BBOF1: variants seen among roughly 807,000 people sequenced by gnomAD.
BBOF1 encodes basal body-orientation factor 1.
In BBOF1, 62 loss-of-function variants were observed where a neutral mutation model predicts 68.0. That is an observed-to-expected ratio of 0.91 (90% CI 0.74 to 1.13). BBOF1 has a LOEUF of 1.13. Among genes scored for constraint, BBOF1 ranks in the 50% most tolerant of loss-of-function variants. The probability of loss-of-function intolerance (pLI) is 0.00; values close to 1 mark genes in which losing one functional copy is unlikely to be tolerated. For synonymous variants in BBOF1, 208 were observed against 198.8 expected (o/e 1.05, Z -0.39); for missense variants, 534 against 600.1 (o/e 0.89, Z 1.15).
chr14:74,047,785 A>G (rs890668947), intron 6 of BBOF1, 145 bp from the exon 7 acceptor site: 7 of 600,058 alleles, frequency 1.2e-5, no homozygotes, highest in African/African-American at 9.5e-5. Context: ...AGATTCCCAC[A>G]TAACTACTGA....
At chr14:74,037,741 G>T (rs2059741178) in intron 4 of BBOF1, among the ~76,000 whole-genome samples, 1 of 151,882 alleles carries the variant, frequency 6.6e-6, no homozygotes, top group Admixed American at 6.6e-5. Flanking sequence ...ATGACCTGAG[G>T]TCGGGAGTTC....
intron 8 of BBOF1, chr14:74,054,851 G>C (rs1472361965): frequency 1.1e-5 from 2 of 174,984 alleles, no homozygotes; most frequent in African/African-American, 4.8e-5. Flanking sequence ...GCTAATTTTT[G>C]TATATTTAGT....
rs1595115418 is a variant in BBOF1, at chr14:74,065,258, A to G, written c.*559A>G. On this transcript the variant is annotated 3_prime_UTR_variant, in exon 12 of 12. Transcript: ENST00000394009. ...GTGAAGATGGCAGTTCCATTTCCAT[A>G]TGGGTTGTTATTTACAATCTGGATG... 1.2e-6 allele frequency: 2 copies of G among 1,614,020 alleles called. No homozygotes were observed. The highest frequency in any genetic ancestry group is 2.2e-5 in the East Asian group (1 of 44,868).
intron 9 of BBOF1, among the ~76,000 whole-genome samples, chr14:74,077,771 C>G (rs2060628524): frequency 6.6e-6 from 1 of 152,114 alleles, no homozygotes. Context: ...CAACCATATC[C>G]AAGCCACAGC....
intron 3 of BBOF1, among the ~76,000 whole-genome samples, chr14:74,032,183 G>A (rs2059587618): frequency 7.1e-6 from 1 of 140,460 alleles, no homozygotes; most frequent in Non-Finnish European, 1.5e-5. Flanking sequence ...CTGGAGTGCA[G>A]TGGCACGATC....
At chr14:74,053,789 G>A (rs2060121976) in intron 8 of BBOF1, among the ~76,000 whole-genome samples, 1 of 151,308 alleles carries the variant, frequency 6.6e-6, no homozygotes, top group Non-Finnish European at 1.5e-5. Context: ...TTGGCTCACT[G>A]CAACCTCCAC....
intron 7 of BBOF1, 174 bp downstream of exon 7, chr14:74,048,248 A>G (rs1351145201): frequency 1.8e-6 from 1 of 546,568 alleles, no homozygotes; most frequent in African/African-American, 1.9e-5. Flanking sequence ...TATAATGCTT[A>G]TAAGAAGCAT....
chr14:74,068,521 A>G (rs1042394845), downstream of BBOF1, among the ~76,000 whole-genome samples: 1 of 152,134 alleles, frequency 6.6e-6, no homozygotes, highest in African/African-American at 2.4e-5. Flanking sequence ...CGGGCAGATC[A>G]TGAGGTCAGG....
chr14:74,059,351 A>G (rs1439491953), intron 11 of BBOF1: 3 of 456,444 alleles, frequency 6.6e-6, no homozygotes, highest in Non-Finnish European at 1.3e-5. Flanking sequence ...GGTTGGAACA[A>G]TCCTTGATTT....
At chr14:74,077,854 C>T (rs1417621722) in intron 9 of BBOF1, among the ~76,000 whole-genome samples, 1 of 152,200 alleles carries the variant, frequency 6.6e-6, no homozygotes, top group African/African-American at 2.4e-5. Flanking sequence ...GTCTTGTTCA[C>T]CTACTTCAGA....
At chr14:74,062,520 G>A in intron 11 of BBOF1, among the ~76,000 whole-genome samples, 1 of 151,992 alleles carries the variant, frequency 6.6e-6, no homozygotes, top group Non-Finnish European at 1.5e-5. Flanking sequence ...AGAATTGCTT[G>A]AACCCTGGAG....
At chr14:74,021,863 C>A (rs1204759762) in intron 1 of BBOF1, among the ~76,000 whole-genome samples, 2 of 151,660 alleles carry the variant, frequency 1.3e-5, no homozygotes, top group Non-Finnish European at 2.9e-5. Context: ...GCCGAGATCA[C>A]GCCACTGCTC....
At chr14:74,037,763 G>C (rs2059741784) in intron 4 of BBOF1, among the ~76,000 whole-genome samples, 1 of 151,946 alleles carries the variant, frequency 6.6e-6, no homozygotes, top group Non-Finnish European at 1.5e-5. Context: ...AGACCAGCCT[G>C]ACCAACATGG....
At position 74,033,491 on chromosome 14, in the gene BBOF1, A is replaced by C. The variant is rs182538868; in HGVS notation, c.352-537A>C. Among the ~76,000 whole-genome samples the C allele has an allele frequency of 4.7e-3, 714 of 152,152 alleles. 2 individuals carry two copies. The highest frequency in any genetic ancestry group is 0.015 in the African/African-American group (602 of 41,500). Reference sequence around the variant, plus strand: ...GGCTGAGGCAGGGAGAATTGCTTGAACCTGGGAGGCAGAGGTTGCAGTGAG... The same window carrying C: ...GGCTGAGGCAGGGAGAATTGCTTGACCCTGGGAGGCAGAGGTTGCAGTGAG... On this transcript the variant is annotated intron_variant, in intron 3 of 11. Transcript: ENST00000394009.
intron 11 of BBOF1, 33 bp downstream of exon 11, chr14:74,057,291 A>G: frequency 6.2e-7 from 1 of 1,613,864 alleles, no homozygotes; most frequent in Non-Finnish European, 8.5e-7. Context: ...AACAATGTAT[A>G]TTGTTGTCAC....
chr14:74,062,564 A>G (rs566107366), intron 11 of BBOF1, among the ~76,000 whole-genome samples: 12 of 152,002 alleles, frequency 7.9e-5, no homozygotes, highest in South Asian at 2.1e-4. Flanking sequence ...TCATGCCACT[A>G]TACTCCAGCC....
chr14:74,028,752 G>A (rs1479423924), intron 2 of BBOF1, among the ~76,000 whole-genome samples: 4 of 150,592 alleles, frequency 2.7e-5, no homozygotes, highest in Non-Finnish European at 4.4e-5. Context: ...TCTGTCACCC[G>A]GGCTGGAGTG....
At chr14:74,055,479 G>T (rs772785787) in intron 8 of BBOF1, 105 bp from the exon 9 acceptor site, 25 of 763,998 alleles carry the variant, frequency 3.3e-5, no homozygotes, top group Non-Finnish European at 5.5e-5. Flanking sequence ...CAATTATGGT[G>T]TGGAATTTAT....
At position 74,044,017 on chromosome 14, in the gene BBOF1, C is replaced by T. The variant is rs558401754; in HGVS notation, c.577-2043C>T. ...TCCCAGCACTTTGGGAGGCCAAGGC[C>T]GGCGGATCACTTGAGGAGAGGAGTT... On this transcript the variant is annotated intron_variant, in intron 5 of 11. Transcript: ENST00000394009. 1.6e-4 allele frequency among the ~76,000 whole-genome samples: 25 copies of T among 151,678 alleles called. No individual in the cohort carries two copies. The South Asian group carries it at 2.5e-3, about 15-fold the overall frequency.
Sources: gnomAD v4.1 joint callset for allele counts (sites outside exome capture counted in the v4.1 genomes callset) on GRCh38, gnomAD v4.1.1 for gene constraint, MANE v1.5 for transcripts, NCBI Gene and HGNC (gene_info 2026-07-23, HGNC 2026-07-21) for gene names.